DENND5B: variants seen among roughly 807,000 people sequenced by gnomAD.
The protein encoded by DENND5B is DENN domain containing 5B.
DENND5B carries 34 observed loss-of-function variants against 140.6 expected under a neutral mutation model. The observed-to-expected ratio is 0.24, with a 90% CI of 0.18 to 0.32. The LOEUF is 0.32. Among genes scored for constraint, DENND5B ranks in the 10% least tolerant of loss-of-function variants. The pLI is 1.00. For missense variants in DENND5B, 1,142 were observed against 1,560.2 expected, an observed-to-expected ratio of 0.73 and a Z score of 4.52; for synonymous variants, 551 against 562.1, an observed-to-expected ratio of 0.98 and a Z score of 0.28.
chr12:31,449,899 T>G (rs1200907873), intron 5 of DENND5B, among the ~76,000 whole-genome samples: 2 of 151,758 alleles, frequency 1.3e-5, no homozygotes, highest in Non-Finnish European at 2.9e-5. Flanking sequence ...CCCGGCTAAT[T>G]TTTTTGTATT....
At chr12:31,489,815 T>C (rs1946455963) in intron 2 of DENND5B, among the ~76,000 whole-genome samples, 2 of 152,078 alleles carry the variant, frequency 1.3e-5, no homozygotes, top group African/African-American at 4.8e-5. Flanking sequence ...TGGAAGGTGA[T>C]GGTCAGGAGC....
intron 1 of DENND5B, among the ~76,000 whole-genome samples, chr12:31,498,405 AG>A (rs1383909419): frequency 6.6e-6 from 1 of 152,214 alleles, no homozygotes; most frequent in Non-Finnish European, 1.5e-5. Context: ...CTGTTAACTA[AG>A]GAACATTGCA....
chr12:31,452,167 C>T lies in DENND5B; in HGVS notation c.1402G>A (p.Val468Met), dbSNP rs1319969407. The change falls in exon 5 of 21, where the codon GTG becomes ATG. Residue 468 changes from valine to methionine, a missense_variant. Coordinates refer to ENST00000389082, the MANE Select transcript of DENND5B (RefSeq NM_144973.4). ...GAAGCAGAGAGGTCCATTTTTTCCA[C>T]AGCCACACCAGTACGCTTGGCCAGA... ...QALAKRTGVA[V>M]EKMDLSASLG... 3 of 1,613,748 alleles carry T rather than the reference C, an allele frequency of 1.9e-6. No individual in the cohort carries two copies. The highest frequency in any genetic ancestry group is 2.5e-6 in the Non-Finnish European group (3 of 1,179,876).
chr12:31,464,717 C>T (rs892798942), intron 3 of DENND5B, among the ~76,000 whole-genome samples: 2 of 152,022 alleles, frequency 1.3e-5, no homozygotes, highest in Non-Finnish European at 2.9e-5. Context: ...TGCACCACCA[C>T]GCCTGGCTAA....
At chr12:31,524,709 CAAAG>C (rs1406457414) in intron 1 of DENND5B, among the ~76,000 whole-genome samples, 1 of 112,200 alleles carries the variant, frequency 8.9e-6, no homozygotes, top group African/African-American at 3.4e-5. Context: ...AAACCAAAAA[CAAAG>C]AAAAAGAAAA....
At chr12:31,484,727 G>A (rs957441514) in intron 2 of DENND5B, among the ~76,000 whole-genome samples, 1 of 152,086 alleles carries the variant, frequency 6.6e-6, no homozygotes, top group Non-Finnish European at 1.5e-5. Context: ...CTTGAACCTG[G>A]GAGGCGGAGG....
intron 7 of DENND5B, among the ~76,000 whole-genome samples, chr12:31,439,929 C>CAAAA (rs67272470): frequency 0.012 from 649 of 52,286 alleles, 102 homozygotes; most frequent in African/African-American, 0.035. Flanking sequence ...GACTCCGTCT[C>CAAAA]AAAAAAAAAA....
chr12:31,449,330 C>T (rs1944407462), intron 5 of DENND5B, among the ~76,000 whole-genome samples: 1 of 152,182 alleles, frequency 6.6e-6, no homozygotes, highest in Admixed American at 6.5e-5. Flanking sequence ...GGTGTATATA[C>T]ATAAATCCAA....
intron 14 of DENND5B, among the ~76,000 whole-genome samples, chr12:31,405,640 CG>C (rs1167729333): frequency 5.9e-5 from 9 of 152,096 alleles, no homozygotes; most frequent in Admixed American, 5.9e-4. Flanking sequence ...CTCTGCCGCC[CG>C]GGTTCAAGTG....
chr12:31,573,134 A>C (rs1949881447), intron 1 of DENND5B, among the ~76,000 whole-genome samples: 1 of 152,222 alleles, frequency 6.6e-6, no homozygotes, highest in South Asian at 2.1e-4. Flanking sequence ...ACAGGGTACA[A>C]AATAGTTCCC....
chr12:31,590,499 C>T, intron 1 of DENND5B: 3 of 578,716 alleles, frequency 5.2e-6, no homozygotes, highest in Non-Finnish European at 8.0e-6. Flanking sequence ...GAGGCGAAAG[C>T]CCCGGTGGGC....
At position 31,591,061 on chromosome 12, in the gene DENND5B, G is replaced by A; in HGVS notation, c.-229C>T. On this transcript the variant is annotated 5_prime_UTR_variant, in exon 1 of 21. Transcript: ENST00000389082. ...GTCCGGAGCCCGGCCGGGTGGGGGA[G>A]GGGCGCGGGGGGAGTGTCGGCCTGA... 1 of 199,096 alleles carries A rather than the reference G, an allele frequency of 5.0e-6. No individual in the cohort carries two copies. The highest frequency in any genetic ancestry group is 8.9e-6 in the Non-Finnish European group (1 of 112,056). 12.3% of individuals were successfully genotyped at this position (199,096 alleles called of 1,614,324 possible).
Position 31,456,286 on chromosome 12 carries a change from C to T in DENND5B, c.1093-3810G>A, listed in dbSNP as rs533361970. ...TGGAGGTTGCAGTCAGCTGAGACGG[C>T]GCCACTGCACTCCAGCCTGGGCAAC... On this transcript the variant is annotated intron_variant, in intron 4 of 20. Coordinates refer to ENST00000389082, the MANE Select transcript of DENND5B (RefSeq NM_144973.4). 2.5e-3 allele frequency among the ~76,000 whole-genome samples: 357 copies of T among 143,558 alleles called. 1 individual carries two copies. Among genetic ancestry groups the T allele is most frequent in the African/African-American group, 8.6e-3 (330 of 38,286 alleles). 94.2% of individuals were successfully genotyped at this position (143,558 alleles called of 152,430 possible). A position where few individuals can be genotyped will look rare whatever the true frequency, so the allele number is the denominator to read the frequency against.
chr12:31,480,324 GT>G (rs11460345), intron 2 of DENND5B, 69 bp from the exon 3 acceptor site: 1 of 1,359,522 alleles, frequency 7.4e-7, no homozygotes, highest in Non-Finnish European at 9.6e-7. Flanking sequence ...AATAAATGTT[GT>G]TTTTTTAACA....
At position 31,498,116 on chromosome 12, in the gene DENND5B, C is replaced by G. The variant is rs190584390; in HGVS notation, c.128-2197G>C. Reference sequence around the variant, plus strand: ...GTGTACTGACACAGCAACAGCGTAACTTCATGATAGCCATCAAGAAACCCT... The same window carrying G: ...GTGTACTGACACAGCAACAGCGTAAGTTCATGATAGCCATCAAGAAACCCT... On this transcript the variant is annotated intron_variant, in intron 1 of 20. Transcript: ENST00000389082. Among the ~76,000 whole-genome samples the G allele has an allele frequency of 3.7e-3, 556 of 152,292 alleles. 4 individuals carry two copies. Among genetic ancestry groups the G allele is most frequent in the Non-Finnish European group, 6.2e-3 (425 of 68,022 alleles).
chr12:31,451,311 A>G (rs1355940801), intron 5 of DENND5B, among the ~76,000 whole-genome samples: 1 of 151,992 alleles, frequency 6.6e-6, no homozygotes, highest in Non-Finnish European at 1.5e-5. Flanking sequence ...AAGAGTTTCT[A>G]TAAATTTTTA....
chr12:31,459,404 C>A (rs1367275666), intron 4 of DENND5B, among the ~76,000 whole-genome samples: 1 of 152,102 alleles, frequency 6.6e-6, no homozygotes, highest in Non-Finnish European at 1.5e-5. Context: ...ATTCTCCTGC[C>A]TCAGCCTTCC....
intron 1 of DENND5B, among the ~76,000 whole-genome samples, chr12:31,530,065 G>T (rs1948228207): frequency 6.6e-6 from 1 of 151,996 alleles, no homozygotes; most frequent in Non-Finnish European, 1.5e-5. Context: ...ATCTAAAGAG[G>T]AGCAACATTT....
At chr12:31,420,739 C>G (rs1268991606) in intron 11 of DENND5B, among the ~76,000 whole-genome samples, 2 of 152,266 alleles carry the variant, frequency 1.3e-5, no homozygotes, top group Non-Finnish European at 2.9e-5. Context: ...CCACCACACT[C>G]AGTCCTCCCA....
Sources: allele counts gnomAD v4.1 joint callset (sites outside exome capture counted in the v4.1 genomes callset), GRCh38; gene constraint gnomAD v4.1.1; transcripts MANE v1.5; gene names NCBI Gene and HGNC (gene_info 2026-07-23, HGNC 2026-07-21).